GRAMD1B: variants seen among roughly 807,000 people sequenced by gnomAD.
GRAMD1B encodes GRAM domain containing 1B, also known as protein Aster-B.
A neutral mutation model predicts 99.7 loss-of-function variants in GRAMD1B; 37 were observed. That is an observed-to-expected ratio of 0.37 (90% CI 0.29 to 0.49). The LOEUF (loss-of-function observed/expected upper bound fraction) is 0.49. Ranked by LOEUF, GRAMD1B falls within the 20% of genes least tolerant of loss-of-function variation. The probability of loss-of-function intolerance (pLI) is 0.98; values close to 1 mark genes in which losing one functional copy is unlikely to be tolerated. For synonymous variants in GRAMD1B, 427 were observed against 387.6 expected (o/e 1.10, Z -1.19); for missense variants, 888 against 1,009.2 (o/e 0.88, Z 1.63).
At chr11:123,451,023 G>A (rs1387732453) in intron 1 of GRAMD1B, among the ~76,000 whole-genome samples, 1 of 152,182 alleles carries the variant, frequency 6.6e-6, no homozygotes, top group Admixed American at 6.5e-5. Flanking sequence ...GGAAGGTAGA[G>A]AGGAAAGAGG....
In GRAMD1B at chr11:123,622,522, T is replaced by A; in HGVS notation, c.2561T>A (p.Ile854Asn). 1 of 1,556,212 alleles carries A rather than the reference T, an allele frequency of 6.4e-7. No homozygotes were observed. The highest frequency in any genetic ancestry group is 1.9e-5 in the Admixed American group (1 of 52,066). Residue 854 changes from isoleucine (I) to asparagine (N), a missense_variant, in exon 20 of 20, where the codon ATC (isoleucine) becomes AAC (asparagine). By Grantham distance (149) the Ile-to-Asn change is moderately radical. Around this residue, in one of 5 missense-constraint regions of GRAMD1B, gnomAD observed 232 missense variants for 261.7 expected, o/e 0.89. Coordinates refer to ENST00000635736, the MANE Select transcript of GRAMD1B (RefSeq NM_001387025.1). ...GTCTTGCAGATGAAGGACTCGCTCA[T>A]CAACCTTCAGAACGGCATCAGGTCC... ...MLLDQMKDSL[I>N]NLQNGIRSRD...
intron 1 of GRAMD1B, among the ~76,000 whole-genome samples, chr11:123,467,394 C>CTTTTTT (rs11447711): frequency 2.6e-4 from 27 of 103,338 alleles, no homozygotes; most frequent in South Asian, 7.7e-4. Flanking sequence ...TTTTCAACAC[C>CTTTTTT]TTTTTTTTTT....
chr11:123,410,272 C>G (rs1363598045), intron 1 of GRAMD1B, among the ~76,000 whole-genome samples: 9 of 150,016 alleles, frequency 6.0e-5, no homozygotes, highest in Non-Finnish European at 1.3e-4. Flanking sequence ...AAACCAGATG[C>G]CAAAAAAAAA....
At chr11:123,462,406 C>T (rs1442447845) in intron 1 of GRAMD1B, among the ~76,000 whole-genome samples, 2 of 152,152 alleles carry the variant, frequency 1.3e-5, no homozygotes, top group Non-Finnish European at 2.9e-5. Flanking sequence ...CTTGGACTTC[C>T]CAGATGCTCT....
intron 1 of GRAMD1B, among the ~76,000 whole-genome samples, chr11:123,360,467 G>T (rs1260070595): frequency 9.9e-5 from 15 of 152,200 alleles, no homozygotes; most frequent in Non-Finnish European, 4.4e-5. Flanking sequence ...GAAGAGTTCT[G>T]CTGGGCGTCA....
In GRAMD1B at chr11:123,608,668, A is replaced by C. The variant is rs1339548414; in HGVS notation, c.1523A>C (p.Gln508Pro). ...SSDTHDEGEV[Q>P]AFYEDLSGRQ... ...CCTCTCTTCTGTGCAGGAGAGGTCC[A>C]GGCCTTCTATGAGGACCTGAGTGGC... Residue 508 changes from glutamine to proline, a missense_variant, in exon 12 of 20, where the codon CAG becomes CCG. By Grantham distance (76) the Gln-to-Pro change is moderately conservative. This residue lies in a region of GRAMD1B where 269 missense variants were observed against 296.6 expected (regional missense o/e 0.91). Transcript: ENST00000635736. The C allele has an allele frequency of 3.2e-6, 5 of 1,577,590 alleles. No individual in the cohort carries two copies. Among genetic ancestry groups the C allele is most frequent in the Non-Finnish European group, 4.3e-6 (5 of 1,160,708 alleles).
chr11:123,548,325 T>TATATACACACACACACAC (rs1555067740), intron 2 of GRAMD1B, among the ~76,000 whole-genome samples: 1 of 86,838 alleles, frequency 1.2e-5, no homozygotes, highest in Non-Finnish European at 2.1e-5. Flanking sequence ...TATATATATA[T>TATATACACACACACACAC]ACACACACAC....
At chr11:123,395,634 T>G (rs1947432486) in intron 1 of GRAMD1B, among the ~76,000 whole-genome samples, 1 of 152,220 alleles carries the variant, frequency 6.6e-6, no homozygotes, top group Non-Finnish European at 1.5e-5. Flanking sequence ...TAGCTTTCCA[T>G]TACAACCAGT....
intron 2 of GRAMD1B, among the ~76,000 whole-genome samples, chr11:123,520,136 C>T (rs987042077): frequency 2.6e-5 from 4 of 152,192 alleles, no homozygotes; most frequent in Non-Finnish European, 5.9e-5. Context: ...AGGAGACCAA[C>T]AGAAAGTCAA....
intron 7 of GRAMD1B, 134 bp from the exon 8 acceptor site, chr11:123,600,334 G>C (rs1951797936): frequency 3.3e-6 from 2 of 601,984 alleles, no homozygotes; most frequent in South Asian, 4.1e-5. Context: ...GGATGTACGT[G>C]ATCACAGGTA....
intron 2 of GRAMD1B, among the ~76,000 whole-genome samples, chr11:123,496,865 A>G (rs1030127604): frequency 6.6e-6 from 1 of 152,010 alleles, no homozygotes; most frequent in Non-Finnish European, 1.5e-5. Context: ...TCTCTGTGCT[A>G]TGTTAAATTT....
intron 1 of GRAMD1B, among the ~76,000 whole-genome samples, chr11:123,374,246 C>T (rs1946622027): frequency 6.6e-6 from 1 of 152,200 alleles, no homozygotes; most frequent in South Asian, 2.1e-4. Context: ...TCATTCTCCC[C>T]TGCCCCAGTC....
intron 2 of GRAMD1B, among the ~76,000 whole-genome samples, chr11:123,562,514 A>G (rs1053377393): frequency 3.3e-5 from 5 of 152,234 alleles, no homozygotes; most frequent in Admixed American, 3.3e-4. Context: ...TGTGTTCCCA[A>G]TAAAACTTTA....
chr11:123,626,928 C>A lies in GRAMD1B; in HGVS notation c.*4333C>A, dbSNP rs1467141043. On this transcript the variant is annotated 3_prime_UTR_variant, in exon 20 of 20. Coordinates refer to ENST00000635736, the MANE Select transcript of GRAMD1B (RefSeq NM_001387025.1). Reference sequence around the variant, plus strand: ...GCACACTATTTAGAGAGCTCCCTTCCCACCTCTCTGCCCAGCCTTGTTACC... The same window carrying A: ...GCACACTATTTAGAGAGCTCCCTTCACACCTCTCTGCCCAGCCTTGTTACC... 6.6e-6 allele frequency: 1 copy of A among 152,302 alleles called. No individual in the cohort carries two copies. Among genetic ancestry groups the A allele is most frequent in the Non-Finnish European group, 1.5e-5 (1 of 68,128 alleles). 9.4% of individuals were successfully genotyped at this position (152,302 alleles called of 1,614,324 possible).
chr11:123,563,459 G>C (rs2136039728), intron 2 of GRAMD1B, among the ~76,000 whole-genome samples: 1 of 152,016 alleles, frequency 6.6e-6, no homozygotes, highest in South Asian at 2.1e-4. Context: ...CAGGATAGCT[G>C]GAATAAAAGA....
intron 1 of GRAMD1B, among the ~76,000 whole-genome samples, chr11:123,379,969 C>T (rs1036518301): frequency 1.3e-5 from 2 of 152,136 alleles, no homozygotes; most frequent in South Asian, 2.1e-4. Flanking sequence ...ATGTACTTAT[C>T]GACCATTTGT....
At chr11:123,440,566 T>C (rs976614449) in intron 1 of GRAMD1B, among the ~76,000 whole-genome samples, 1 of 152,134 alleles carries the variant, frequency 6.6e-6, no homozygotes, top group Admixed American at 6.5e-5. Flanking sequence ...AATTGTAAAG[T>C]TTTGGATAGT....
Position 123,431,133 on chromosome 11 carries a change from G to A in GRAMD1B, c.341G>A (p.Arg114Lys). The A allele has an allele frequency of 2.8e-6, 2 of 702,948 alleles. No homozygotes were observed. The highest frequency in any genetic ancestry group is 3.0e-5 in the South Asian group (2 of 67,598). The allele number at this position is 702,948 out of a possible 1,614,324, so 43.5% of individuals were successfully genotyped here. ...RKRFLLRKWLRVRERKECSES... is the reference protein window; with the variant it reads ...RKRFLLRKWLKVRERKECSES... The stretch of plus-strand genomic sequence containing the variant: ...CGCTTCCTCCTCCGCAAGTGGCTGA[G>A]GGTGAGGGAGCGGAAGGAGTGCAGT... The change falls in exon 1 of 20, where the codon AGG (arginine) becomes AAG (lysine). Residue 114 changes from arginine to lysine, a missense_variant. By Grantham distance (26) the Arg-to-Lys change is conservative (BLOSUM62 2). Around this residue, in one of 5 missense-constraint regions of GRAMD1B, gnomAD observed 233 missense variants for 154.6 expected, o/e 1.51. Coordinates refer to ENST00000635736, the MANE Select transcript of GRAMD1B (RefSeq NM_001387025.1).
intron 2 of GRAMD1B, among the ~76,000 whole-genome samples, chr11:123,539,024 A>C (rs1944244948): frequency 6.6e-6 from 1 of 152,130 alleles, no homozygotes; most frequent in Non-Finnish European, 1.5e-5. Context: ...TGTAGCATGT[A>C]TCAGTACTTC....
Sources: allele counts gnomAD v4.1 joint callset (sites outside exome capture counted in the v4.1 genomes callset), GRCh38; gene constraint gnomAD v4.1.1; regional missense constraint gnomAD v4.1.1; transcripts MANE v1.5; gene names NCBI Gene and HGNC (gene_info 2026-07-23, HGNC 2026-07-21).